The following TANK variants were observed in gnomAD, a reference collection of about 807,000 sequenced individuals.
TANK encodes TRAF family member-associated NF-kappa-B activator.
A neutral mutation model predicts 43.6 loss-of-function variants in TANK; 15 were observed. That is an observed-to-expected ratio of 0.34 (90% confidence interval 0.23 to 0.53). The LOEUF is 0.53. Ranked by LOEUF, TANK falls within the 20% of genes least tolerant of loss-of-function variation. The pLI, the probability that TANK is intolerant of heterozygous loss-of-function variation, is 0.94. For synonymous variants in TANK, 162 were observed against 178.2 expected, an observed-to-expected ratio of 0.91 and a Z score of 0.73; for missense variants, 417 against 498.6, an observed-to-expected ratio of 0.84 and a Z score of 1.56.
At chr2:161,214,378 AG>A (rs915685138) in intron 4 of TANK, among the ~76,000 whole-genome samples, 1 of 152,232 alleles carries the variant, frequency 6.6e-6, no homozygotes, top group Admixed American at 6.5e-5. Context: ...AGTATGCAGC[AG>A]AAGTCCTTTT....
chr2:161,224,063 T>G, intron 5 of TANK, 72 bp downstream of exon 5: 1 of 1,091,674 alleles, frequency 9.2e-7, no homozygotes, highest in Non-Finnish European at 1.3e-6. Flanking sequence ...TTTGTTTTTT[T>G]TAAGCTTTAA....
upstream of TANK, among the ~76,000 whole-genome samples, chr2:161,155,733 C>T (rs1433668987): frequency 6.6e-6 from 1 of 152,204 alleles, no homozygotes; most frequent in African/African-American, 2.4e-5. Context: ...AGCCTTCCTT[C>T]ACCCTCTCAA....
At position 161,188,661 on chromosome 2, in the gene TANK, C is replaced by T. The variant is rs56241625; in HGVS notation, c.99+8900C>T. Among the ~76,000 whole-genome samples the T allele has an allele frequency of 3.0e-3, 464 of 152,288 alleles. 2 individuals are homozygous for T. Among genetic ancestry groups the T allele is most frequent in the African/African-American group, 0.011 (448 of 41,572 alleles). ...AAACTTGAACAGTATGTAACACTTC[C>T]TTACCCATTCTATGAGGCCAGCATT... On this transcript the variant is annotated intron_variant, in intron 2 of 7. Transcript: ENST00000392749.
At chr2:161,233,030 G>T (rs1198606318) in intron 7 of TANK, 1 of 614,898 alleles carries the variant, frequency 1.6e-6, no homozygotes, top group African/African-American at 1.8e-5. Context: ...TATTTTATTA[G>T]TATTAATAAA....
intron 2 of TANK, among the ~76,000 whole-genome samples, chr2:161,188,548 C>T (rs1040724724): frequency 1.1e-4 from 16 of 152,132 alleles, no homozygotes; most frequent in Admixed American, 1.0e-3. Flanking sequence ...TTCCCAACAA[C>T]GAAAAGCCTA....
intron 1 of TANK, among the ~76,000 whole-genome samples, chr2:161,151,762 T>G (rs1034513774): frequency 1.3e-5 from 2 of 152,162 alleles, no homozygotes; most frequent in African/African-American, 4.8e-5. Flanking sequence ...GGTTAATCCA[T>G]CTACATTTAA....
intron 2 of TANK, chr2:161,203,055 A>C (rs879569551): frequency 4.4e-6 from 1 of 227,138 alleles, no homozygotes; most frequent in Non-Finnish European, 9.0e-6. Context: ...GTACTCTAAA[A>C]ATAAATTTAG....
At chr2:161,161,248 C>T (rs1684420012) in intron 1 of TANK, 3 of 1,548,394 alleles carry the variant, frequency 1.9e-6, no homozygotes, top group Non-Finnish European at 2.6e-6. Context: ...AGTAAAGCAG[C>T]CTTGCTATGT....
At chr2:161,189,989 C>T (rs934009429) in intron 2 of TANK, among the ~76,000 whole-genome samples, 4 of 152,070 alleles carry the variant, frequency 2.6e-5, no homozygotes, top group Admixed American at 6.6e-5. Context: ...AGTTGGACTT[C>T]GTCAAAATTA....
At chr2:161,185,852 T>G (rs562018746) in intron 2 of TANK, among the ~76,000 whole-genome samples, 1 of 152,094 alleles carries the variant, frequency 6.6e-6, no homozygotes, top group Admixed American at 6.5e-5. Context: ...CCCTAAAACT[T>G]AAAGTATAAT....
chr2:161,204,644 T>C (rs775444820), intron 3 of TANK, 31 bp from the exon 4 acceptor site: 2 of 1,583,948 alleles, frequency 1.3e-6, no homozygotes, highest in South Asian at 1.2e-5. Context: ...AAGGGTTTTC[T>C]GCTAATGTCC....
At position 161,143,996 on chromosome 2, in the gene TANK, T is replaced by C. The variant is rs188594612; in HGVS notation, c.-50+6933T>C. Among the ~76,000 whole-genome samples, 783 of 152,320 alleles carry C rather than the reference T, an allele frequency of 5.1e-3. 7 individuals carry two copies. Among genetic ancestry groups the C allele is most frequent in the African/African-American group, 0.017 (724 of 41,576 alleles). ...ATTACTGCCCCAATTTCAGAACTTG[T>C]TATTGGTCTATTCAAGTATCACTTC... On this transcript the variant is annotated intron_variant, in intron 1 of 7. Coordinates refer to the TANK transcript ENST00000259075.
chr2:161,175,154 G>T (rs1685121994), intron 1 of TANK, among the ~76,000 whole-genome samples: 1 of 152,052 alleles, frequency 6.6e-6, no homozygotes, highest in Non-Finnish European at 1.5e-5. Flanking sequence ...TTCATGGGAG[G>T]AGATGCCATG....
upstream of TANK, among the ~76,000 whole-genome samples, chr2:161,157,360 G>T (rs1323583865): frequency 1.3e-5 from 2 of 152,294 alleles, no homozygotes; most frequent in East Asian, 3.9e-4. Context: ...AGGAGGCAAG[G>T]CTTTGCAACT....
chr2:161,223,853 C>T lies in TANK; in HGVS notation c.328-62C>T, dbSNP rs187985384. On this transcript the variant is annotated intron_variant, in intron 4 of 7. Transcript: ENST00000392749. ...ATTTCCTTTGTGTTTTCTCTTTACT[C>T]GACCTCATTTGAATTTGGGAGCAAT... The T allele has an allele frequency of 7.8e-4, 871 of 1,120,302 alleles. 6 individuals are homozygous for T. The highest frequency in any genetic ancestry group is 1.8e-3 in the Middle Eastern group (7 of 3,806). The allele number at this position is 1,120,302 out of a possible 1,614,324, so 69.4% of individuals were successfully genotyped here. A position where few individuals can be genotyped will look rare whatever the true frequency, so the allele number is the denominator to read the frequency against.
chr2:161,206,207 T>G (rs1480835885), intron 4 of TANK, among the ~76,000 whole-genome samples: 3 of 152,152 alleles, frequency 2.0e-5, no homozygotes, highest in Non-Finnish European at 2.9e-5. Flanking sequence ...GTAGTATATG[T>G]ATGTATATTA....
At chr2:161,203,821 T>A (rs1337448964) in intron 3 of TANK, among the ~76,000 whole-genome samples, 2 of 152,164 alleles carry the variant, frequency 1.3e-5, no homozygotes, top group African/African-American at 4.8e-5. Context: ...TTATAAAACT[T>A]CCTAAAAAGC....
intron 1 of TANK, among the ~76,000 whole-genome samples, chr2:161,170,440 C>G (rs189038464): frequency 6.6e-6 from 1 of 152,018 alleles, no homozygotes; most frequent in South Asian, 2.1e-4. Context: ...ATTTTTGTTC[C>G]GAAATTCTAT....
intron 1 of TANK, among the ~76,000 whole-genome samples, chr2:161,175,419 A>G (rs1258262943): frequency 6.6e-6 from 1 of 152,178 alleles, no homozygotes; most frequent in Non-Finnish European, 1.5e-5. Flanking sequence ...GTAATAGGAA[A>G]TGAAGAATTG....
Sources: allele counts gnomAD v4.1 joint callset (sites outside exome capture counted in the v4.1 genomes callset), GRCh38; gene constraint gnomAD v4.1.1; transcripts MANE v1.5; gene names NCBI Gene and HGNC (gene_info 2026-07-23, HGNC 2026-07-21).